Variants in ZNF385C observed in about 807,000 individuals in gnomAD.
The protein encoded by ZNF385C is CTD-2132N18.2.
ZNF385C carries 28 observed loss-of-function variants against 35.4 expected under a neutral mutation model. That is an observed-to-expected ratio of 0.79 (90% CI 0.59 to 1.08). ZNF385C has a LOEUF of 1.08. ZNF385C is among the 50% of genes least tolerant of loss of function. The pLI is 0.00. For missense variants in ZNF385C, 605 were observed against 595.6 expected, an observed-to-expected ratio of 1.02 and a Z score of -0.16; for synonymous variants, 248 against 248.2, an observed-to-expected ratio of 1.00 and a Z score of 0.01.
intron 2 of ZNF385C, among the ~76,000 whole-genome samples, chr17:42,047,899 C>T (rs1011742984): frequency 9.2e-5 from 14 of 152,110 alleles, no homozygotes; most frequent in African/African-American, 2.9e-4. Context: ...GTGATCTGCC[C>T]GCCTCAGCCT....
chr17:42,040,361 C>T (rs2052987536), intron 2 of ZNF385C: 2 of 1,231,868 alleles, frequency 1.6e-6, no homozygotes, highest in South Asian at 4.1e-5. Flanking sequence ...TCCATGGATG[C>T]CAGTTCCTGC....
chr17:42,033,343 T>C (rs1357444881), intron 4 of ZNF385C, among the ~76,000 whole-genome samples: 2 of 152,206 alleles, frequency 1.3e-5, no homozygotes, highest in African/African-American at 4.8e-5. Flanking sequence ...GACCTTGGGG[T>C]CAGCCAGGCC....
At chr17:42,043,498 C>G (rs1267318889) in intron 2 of ZNF385C, 1 of 838,306 alleles carries the variant, frequency 1.2e-6, no homozygotes, top group Non-Finnish European at 1.6e-6. Flanking sequence ...TGGGGGCAGC[C>G]CGCCAGGCTA....
intron 2 of ZNF385C, among the ~76,000 whole-genome samples, chr17:42,049,701 T>G (rs528055139): frequency 6.6e-6 from 1 of 152,340 alleles, no homozygotes; most frequent in Admixed American, 6.5e-5. Context: ...ATCCTTTCCA[T>G]GTACATCGAA....
intron 4 of ZNF385C, among the ~76,000 whole-genome samples, chr17:42,033,183 T>C (rs1329103215): frequency 3.9e-5 from 6 of 152,066 alleles, no homozygotes; most frequent in Non-Finnish European, 8.8e-5. Flanking sequence ...CCTCCCTGGA[T>C]GCTATACCAC....
At chr17:42,089,059 T>A (rs1555660305) in intron 1 of ZNF385C, among the ~76,000 whole-genome samples, 3 of 151,954 alleles carry the variant, frequency 2.0e-5, no homozygotes, top group African/African-American at 4.8e-5. Flanking sequence ...TGCCTCTACT[T>A]CCCCACTTCC....
At chr17:42,040,664 G>C in intron 2 of ZNF385C, 1 of 1,232,312 alleles carries the variant, frequency 8.1e-7, no homozygotes, top group Non-Finnish European at 1.0e-6. Context: ...ACAGGCAGCA[G>C]GGAGGCCCAG....
In ZNF385C at chr17:42,043,258, C is replaced by T. The variant is rs2053070442; in HGVS notation, c.251-5373G>A. The T allele has an allele frequency of 6.5e-6, 8 of 1,232,264 alleles. No homozygotes were observed. The South Asian group carries it at 2.5e-4, about 38-fold the overall frequency. The allele number at this position is 1,232,264 out of a possible 1,614,324, so 76.3% of individuals were successfully genotyped here. ...GCACTCGAGGCAGAACATCAGCTTCCGCTCATAGTCAAAGTCCAGCCAGGT... is the reference window on the plus strand; with the variant it reads ...GCACTCGAGGCAGAACATCAGCTTCTGCTCATAGTCAAAGTCCAGCCAGGT... On this transcript the variant is annotated intron_variant, in intron 2 of 8. Coordinates refer to ENST00000692273, the MANE Select transcript of ZNF385C (RefSeq NM_001392013.1).
chr17:42,081,397 AT>A (rs1567996202), intron 1 of ZNF385C, among the ~76,000 whole-genome samples: 1 of 151,866 alleles, frequency 6.6e-6, no homozygotes, highest in African/African-American at 2.4e-5. Flanking sequence ...CAGGGATTTT[AT>A]TTTTTTGAGA....
Position 42,087,203 on chromosome 17 carries a change from A to G in ZNF385C, c.-3+11207T>C, listed in dbSNP as rs189213818. On this transcript the variant is annotated intron_variant, in intron 1 of 8. Transcript: ENST00000692273. ...GCCCTATTAAAGGGTTAAGTACAAA[A>G]AAAGACAATGTTGATGAAAACCTAG... Among the ~76,000 whole-genome samples the G allele has an allele frequency of 3.2e-4, 48 of 152,350 alleles. 2 individuals are homozygous for G. Among genetic ancestry groups the G allele is most frequent in the African/African-American group, 1.1e-3 (47 of 41,572 alleles).
intron 3 of ZNF385C, among the ~76,000 whole-genome samples, chr17:42,035,773 G>A (rs1039434793): frequency 2.0e-5 from 3 of 151,268 alleles, no homozygotes; most frequent in Non-Finnish European, 2.9e-5. Flanking sequence ...GGCTGGTCTC[G>A]AACTCCTGCC....
chr17:42,084,495 C>A (rs1393731248), intron 1 of ZNF385C, among the ~76,000 whole-genome samples: 1 of 151,908 alleles, frequency 6.6e-6, no homozygotes, highest in Non-Finnish European at 1.5e-5. Context: ...TAAAAGACAT[C>A]GTCAAATAAT....
chr17:42,042,049 C>A (rs2053034890), intron 2 of ZNF385C, among the ~76,000 whole-genome samples: 1 of 151,958 alleles, frequency 6.6e-6, no homozygotes, highest in Non-Finnish European at 1.5e-5. Context: ...TTATGAAAAC[C>A]AATTAAACAG....
chr17:42,058,421 G>A (rs550688643), intron 2 of ZNF385C, among the ~76,000 whole-genome samples: 198 of 152,320 alleles, frequency 1.3e-3, no homozygotes, highest in African/African-American at 2.0e-3. Context: ...CCAATGCAGC[G>A]CATTCAAGGC....
chr17:42,063,862 GCACCCAGCAGGGTGACATT>G (rs1370553124), intron 1 of ZNF385C, among the ~76,000 whole-genome samples: 1 of 152,188 alleles, frequency 6.6e-6, no homozygotes, highest in Non-Finnish European at 1.5e-5. Context: ...CCTGTGCCCT[GCACCCAGCAGGGTGACATT>G]CACAAATGGT....
At position 42,027,672 on chromosome 17, in the gene ZNF385C, G is replaced by A; in HGVS notation, c.1221C>T (p.Ser407=). 1 of 1,611,834 alleles carries A rather than the reference G, an allele frequency of 6.2e-7. No homozygotes were observed. Among genetic ancestry groups the A allele is most frequent in the African/African-American group, 1.3e-5 (1 of 74,796 alleles). ...DRLAGKTPKP[S]SQHSKLQKHA... ...GCTTCTGCAGCTTGCTGTGCTGGCT[G>A]GAGGGCTTGGGGGTCTTCCCGGCCA... is the stretch of plus-strand genomic sequence containing the variant. The change falls in exon 8 of 9, where the codon TCC becomes TCT. Residue 407 remains serine (S), a synonymous_variant. Coordinates refer to ENST00000692273, the MANE Select transcript of ZNF385C (RefSeq NM_001392013.1).
chr17:42,092,843 G>A (rs1053121548), intron 1 of ZNF385C, among the ~76,000 whole-genome samples: 23 of 152,250 alleles, frequency 1.5e-4, no homozygotes, highest in South Asian at 6.2e-4. Flanking sequence ...CATCAGATGC[G>A]GGACTGAACA....
intron 2 of ZNF385C, among the ~76,000 whole-genome samples, chr17:42,047,280 C>CT (rs2053184369): frequency 6.6e-6 from 1 of 152,186 alleles, no homozygotes; most frequent in South Asian, 2.1e-4. Context: ...GATCCGCCCG[C>CT]TTCAGCCTCC....
chr17:42,063,072 G>A lies in ZNF385C; in HGVS notation c.-2-14C>T, dbSNP rs2143849306. ...GCCGCTTCATATCTGAGTGGATAGAGAGGGAGATGAATGAACGCCAAATGG... is the reference window on the plus strand; with the variant it reads ...GCCGCTTCATATCTGAGTGGATAGAAAGGGAGATGAATGAACGCCAAATGG... On this transcript the variant is annotated splice_polypyrimidine_tract_variant and intron_variant, in intron 1 of 8. Coordinates refer to ENST00000692273, the MANE Select transcript of ZNF385C (RefSeq NM_001392013.1). 1 of 603,616 alleles carries A rather than the reference G, an allele frequency of 1.7e-6. No homozygotes were observed. The highest frequency in any genetic ancestry group is 1.9e-5 in the South Asian group (1 of 51,574). The allele number at this position is 603,616 out of a possible 1,614,324, so 37.4% of individuals were successfully genotyped here.
Sources: gnomAD v4.1 joint callset for allele counts (sites outside exome capture counted in the v4.1 genomes callset) on GRCh38, gnomAD v4.1.1 for gene constraint, MANE v1.5 for transcripts, NCBI Gene and HGNC (gene_info 2026-07-23, HGNC 2026-07-21) for gene names.